Variants in STAMBP observed in about 807,000 individuals in gnomAD.
The protein encoded by STAMBP is STAM binding protein, also known as STAM-binding protein.
In STAMBP, 31 loss-of-function variants were observed where a neutral mutation model predicts 50.7. That is an observed-to-expected ratio of 0.61 (90% CI 0.46 to 0.83). The LOEUF (loss-of-function observed/expected upper bound fraction) is 0.83. STAMBP is among the 40% of genes least tolerant of loss of function. The pLI is 0.00. For missense variants in STAMBP, 472 were observed against 518.9 expected (o/e 0.91, Z 0.88); for synonymous variants, 211 against 192.4 (o/e 1.10, Z -0.80).
chr2:73,835,696 G>A (rs899264062), intron 2 of STAMBP, among the ~76,000 whole-genome samples: 1 of 150,120 alleles, frequency 6.7e-6, no homozygotes, highest in Non-Finnish European at 1.5e-5. Flanking sequence ...GGTTGATGTC[G>A]TGTTTCTGCC....
intron 2 of STAMBP, among the ~76,000 whole-genome samples, chr2:73,834,368 A>C (rs1446337044): frequency 1.4e-5 from 2 of 147,640 alleles, no homozygotes; most frequent in African/African-American, 5.0e-5. Context: ...GTCAGTTATC[A>C]CATACTTTAT....
At chr2:73,858,213 C>A (rs1347502596) in intron 7 of STAMBP, among the ~76,000 whole-genome samples, 1 of 141,550 alleles carries the variant, frequency 7.1e-6, no homozygotes, top group Non-Finnish European at 1.5e-5. Context: ...ACCATGTTAG[C>A]CAGGATGGTC....
At chr2:73,859,987 G>A (rs1399752288) in intron 8 of STAMBP, 65 bp from the exon 9 acceptor site, 16 of 1,117,116 alleles carry the variant, frequency 1.4e-5, no homozygotes, top group Middle Eastern at 2.0e-4. Context: ...GTGTGTGTGC[G>A]TGCATATGTT....
chr2:73,871,930 G>A (rs1156932233), downstream of STAMBP, among the ~76,000 whole-genome samples: 1 of 151,882 alleles, frequency 6.6e-6, no homozygotes, highest in African/African-American at 2.4e-5. Context: ...ACCATGCCTG[G>A]CTAATTTTTG....
In STAMBP at chr2:73,830,251, T is replaced by C. The variant is rs1166165039; in HGVS notation, c.-12-594T>C. On this transcript the variant is annotated intron_variant, in intron 1 of 9. Coordinates refer to ENST00000394070, the MANE Select transcript of STAMBP (RefSeq NM_213622.4). ...AATGAATGATTTTATAGATTGACTATAGTGGTTTAGTGAGCAGAGTTACAA... is the reference window on the plus strand; with the variant it reads ...AATGAATGATTTTATAGATTGACTACAGTGGTTTAGTGAGCAGAGTTACAA... Among the ~76,000 whole-genome samples, 16 of 152,366 alleles carry C rather than the reference T, an allele frequency of 1.1e-4. No homozygotes were observed. In the East Asian group the frequency reaches 2.5e-3, roughly 24 times the overall value.
At chr2:73,848,509 C>G (rs1336159165) in intron 5 of STAMBP, among the ~76,000 whole-genome samples, 2 of 152,168 alleles carry the variant, frequency 1.3e-5, no homozygotes, top group East Asian at 3.8e-4. Flanking sequence ...GATGAATGGG[C>G]AGTGTCTTAG....
intron 2 of STAMBP, among the ~76,000 whole-genome samples, chr2:73,837,187 A>G (rs1157071605): frequency 6.6e-6 from 1 of 152,212 alleles, no homozygotes; most frequent in Non-Finnish European, 1.5e-5. Context: ...ATTGCATTAC[A>G]GTTGTTGCTG....
rs1445366932 is a variant in STAMBP at position 73,833,276 on chromosome 2, A to AT, written c.203+2219dup. Among the ~76,000 whole-genome samples the AT allele has an allele frequency of 5.9e-5, 9 of 152,350 alleles. No individual in the cohort carries two copies. In the East Asian group the frequency reaches 1.7e-3, roughly 29 times the overall value. On this transcript the variant is annotated intron_variant, in intron 2 of 9. Coordinates refer to ENST00000394070, the MANE Select transcript of STAMBP (RefSeq NM_213622.4). ...ATGTTAAGTTACAGTTTGTTTATAC[A>AT]TTAAATTAGGTTACAGTTCACTATC...
chr2:73,856,956 C>T (rs1013140460), intron 7 of STAMBP, among the ~76,000 whole-genome samples: 1 of 152,178 alleles, frequency 6.6e-6, no homozygotes, highest in Non-Finnish European at 1.5e-5. Flanking sequence ...GATCTCCTGG[C>T]TAGCACACAC....
At position 73,866,794 on chromosome 2, in the gene STAMBP, A is replaced by G. The variant is rs1402197321; in HGVS notation, c.*4535A>G. On this transcript the variant is annotated 3_prime_UTR_variant, in exon 10 of 10. Coordinates refer to ENST00000394070, the MANE Select transcript of STAMBP (RefSeq NM_213622.4). ...TAGGAGGAGACAAGGAGATAGTGAC[A>G]CCAGTATCTTGTCACAGAAATCAAG... The G allele has an allele frequency of 2.6e-5, 4 of 152,290 alleles. No homozygotes were observed. Among genetic ancestry groups the G allele is most frequent in the African/African-American group, 4.8e-5 (2 of 41,456 alleles). The allele number at this position is 152,290 out of a possible 1,614,324, so 9.4% of individuals were successfully genotyped here.
rs1377685308 is a variant in STAMBP, at chr2:73,855,645, G to A, written c.1006-3609G>A. 5.3e-5 allele frequency: 24 copies of A among 455,974 alleles called. No homozygotes were observed. In the Admixed American group the frequency reaches 5.4e-4, roughly 10 times the overall value. The allele number at this position is 455,974 out of a possible 1,614,324, so 28.2% of individuals were successfully genotyped here. A position where few individuals can be genotyped will look rare whatever the true frequency, so the allele number is the denominator to read the frequency against. On this transcript the variant is annotated intron_variant, in intron 7 of 9. Coordinates refer to ENST00000394070, the MANE Select transcript of STAMBP (RefSeq NM_213622.4). ...AGGTAGAAACTTTGTGGTCACTGAA[G>A]TCCTTACATGCCCCATGAAGACTTG...
intron 2 of STAMBP, among the ~76,000 whole-genome samples, chr2:73,839,403 T>C (rs541905209): frequency 6.6e-6 from 1 of 152,314 alleles, no homozygotes; most frequent in South Asian, 2.1e-4. Context: ...TTCAGGCAAT[T>C]CCTGTGTGCT....
intron 7 of STAMBP, among the ~76,000 whole-genome samples, chr2:73,852,173 C>T (rs1383343423): frequency 2.0e-5 from 3 of 151,984 alleles, no homozygotes; most frequent in Admixed American, 2.0e-4. Flanking sequence ...ATGATAAGAG[C>T]TAGGGTGATG....
chr2:73,844,554 T>A (rs1318377862), intron 2 of STAMBP: 3 of 256,772 alleles, frequency 1.2e-5, no homozygotes, highest in Non-Finnish European at 2.2e-5. Flanking sequence ...AAAGGCTTTT[T>A]AAAATTTTTT....
chr2:73,871,928 TG>T (rs1679215919), downstream of STAMBP, among the ~76,000 whole-genome samples: 8 of 152,038 alleles, frequency 5.3e-5, no homozygotes, highest in South Asian at 1.7e-3. Context: ...CCACCATGCC[TG>T]GCTAATTTTT....
intron 7 of STAMBP, among the ~76,000 whole-genome samples, chr2:73,854,391 A>G (rs1289258616): frequency 1.3e-5 from 2 of 152,234 alleles, no homozygotes; most frequent in Non-Finnish European, 2.9e-5. Flanking sequence ...CTACAAATGA[A>G]TAAAAGAGTT....
chr2:73,849,439 C>A lies in STAMBP; in HGVS notation c.819C>A (p.Ala273=). The A allele has an allele frequency of 6.2e-7, 1 of 1,612,962 alleles. No homozygotes were observed. The highest frequency in any genetic ancestry group is 8.5e-7 in the Non-Finnish European group (1 of 1,179,518). ...CACAGTTTCTCCAGTTAGCCAGTGC[C>A]AACACTGCCCGGGGAGTGGAGACAT... ...LCPQFLQLAS[A]NTARGVETCG... is the part of the protein sequence containing the mutation. The change falls in exon 6 of 10, where the codon GCC becomes GCA. Residue 273 remains alanine (A), a synonymous_variant. Transcript: ENST00000394070.
At chr2:73,834,192 A>G (rs1674296132) in intron 2 of STAMBP, among the ~76,000 whole-genome samples, 1 of 129,538 alleles carries the variant, frequency 7.7e-6, no homozygotes, top group Non-Finnish European at 1.6e-5. Flanking sequence ...GCCTGGGGAC[A>G]GAGCAAGATC....
At position 73,866,352 on chromosome 2, in the gene STAMBP, C is replaced by G. The variant is rs2104745358; in HGVS notation, c.*4093C>G. 1 of 152,320 alleles carries G rather than the reference C, an allele frequency of 6.6e-6. No individual in the cohort carries two copies. Among genetic ancestry groups the G allele is most frequent in the East Asian group, 1.9e-4 (1 of 5,194 alleles). The allele number at this position is 152,320 out of a possible 1,614,324, so 9.4% of individuals were successfully genotyped here. Reference sequence around the variant, plus strand: ...TCCAGTGGCAACTATAGTCTGTTTCCCACAATTTGTTGTGTGTGTTTTTTG... The same window carrying G: ...TCCAGTGGCAACTATAGTCTGTTTCGCACAATTTGTTGTGTGTGTTTTTTG... On this transcript the variant is annotated 3_prime_UTR_variant, in exon 10 of 10. Transcript: ENST00000394070.
Sources: gnomAD v4.1 joint callset for allele counts (sites outside exome capture counted in the v4.1 genomes callset) on GRCh38, gnomAD v4.1.1 for gene constraint, MANE v1.5 for transcripts, NCBI Gene and HGNC (gene_info 2026-07-23, HGNC 2026-07-21) for gene names.